DAB1: variants seen among roughly 807,000 people sequenced by gnomAD.
DAB1 encodes disabled homolog 1.
DAB1 carries 15 observed loss-of-function variants against 64.6 expected under a neutral mutation model. That is an observed-to-expected ratio of 0.23 (90% confidence interval 0.16 to 0.36). The LOEUF is 0.36. Ranked by LOEUF, DAB1 falls within the 10% of genes least tolerant of loss-of-function variation. The pLI is 1.00. For synonymous variants in DAB1, 235 were observed against 251.9 expected (o/e 0.93, Z 0.64); for missense variants, 596 against 706.7 (o/e 0.84, Z 1.78).
intron 6 of DAB1, among the ~76,000 whole-genome samples, chr1:57,711,160 T>C (rs776996917): frequency 3.3e-5 from 5 of 152,308 alleles, no homozygotes; most frequent in Non-Finnish European, 1.5e-5. Flanking sequence ...CTGATGCCCT[T>C]TCATTAGTTT....
chr1:58,544,624 C>T (rs1478717259), intron 1 of DAB1, among the ~76,000 whole-genome samples: 2 of 152,182 alleles, frequency 1.3e-5, no homozygotes, highest in Non-Finnish European at 2.9e-5. Context: ...CAGGGTCTCA[C>T]TTTGTCGTTG....
At chr1:58,216,644 C>A (rs541460732) in intron 4 of DAB1, among the ~76,000 whole-genome samples, 1 of 152,314 alleles carries the variant, frequency 6.6e-6, no homozygotes, top group Admixed American at 6.5e-5. Context: ...ACACTCCCAC[C>A]AACAGTGTAA....
chr1:57,299,833 T>A (rs757552118), intron 1 of DAB1, among the ~76,000 whole-genome samples: 46 of 152,220 alleles, frequency 3.0e-4, no homozygotes, highest in Non-Finnish European at 5.6e-4. Flanking sequence ...AGCTCTTTCA[T>A]CAGCCTTGGC....
At chr1:58,339,468 G>A (rs1663199969) in intron 4 of DAB1, among the ~76,000 whole-genome samples, 1 of 152,102 alleles carries the variant, frequency 6.6e-6, no homozygotes, top group African/African-American at 2.4e-5. Flanking sequence ...GGTGATAAGT[G>A]TTATGAAAAA....
chr1:57,055,819 C>T (rs1031571878), intron 9 of DAB1, among the ~76,000 whole-genome samples: 2 of 151,978 alleles, frequency 1.3e-5, no homozygotes, highest in East Asian at 3.9e-4. Context: ...CCATCAATAT[C>T]TCAAAGAGAC....
intron 1 of DAB1, among the ~76,000 whole-genome samples, chr1:57,325,781 C>T (rs2100779227): frequency 6.6e-6 from 1 of 152,260 alleles, no homozygotes; most frequent in South Asian, 2.1e-4. Context: ...TTTGGCTTCC[C>T]TCACCTTCCC....
intron 5 of DAB1, among the ~76,000 whole-genome samples, chr1:58,029,219 G>A (rs1557616679): frequency 6.6e-6 from 1 of 152,176 alleles, no homozygotes; most frequent in Non-Finnish European, 1.5e-5. Flanking sequence ...AGCAAGCAAC[G>A]ACAAGCTAGT....
intron 4 of DAB1, among the ~76,000 whole-genome samples, chr1:58,318,650 A>G (rs919534679): frequency 3.9e-5 from 6 of 152,232 alleles, no homozygotes; most frequent in African/African-American, 1.4e-4. Flanking sequence ...AGCTTGGTCT[A>G]GAGCCATGGT....
At chr1:58,025,651 G>GTGTGTATATATATATATA in intron 5 of DAB1, among the ~76,000 whole-genome samples, 1 of 75,292 alleles carries the variant, frequency 1.3e-5, no homozygotes, top group Non-Finnish European at 3.1e-5. Context: ...ATATATGTGT[G>GTGTGTATATATATATATA]TATATATATA....
At chr1:57,317,038 A>C (rs1675271441) in intron 1 of DAB1, among the ~76,000 whole-genome samples, 1 of 152,240 alleles carries the variant, frequency 6.6e-6, no homozygotes, top group Non-Finnish European at 1.5e-5. Flanking sequence ...CCCGACTTTC[A>C]TCTTGCTCTC....
rs78554798 is a variant in DAB1 at position 57,705,324 on chromosome 1, G to A, written n.552-55659C>T. 1.8e-3 allele frequency among the ~76,000 whole-genome samples: 272 copies of A among 152,108 alleles called. 4 individuals are homozygous for A. In the East Asian group the frequency reaches 0.025, roughly 14 times the overall value. ...ATCTTTCAGCATCCTCATAGTTTAG[G>A]TAAGTTCCTGTAAGTAGCATATATC... On this transcript the variant is annotated intron_variant and non_coding_transcript_variant, in intron 6 of 20. Coordinates refer to the DAB1 transcript ENST00000485760.
In DAB1 at chr1:57,543,382, A is replaced by T. The variant is rs1019975078; in HGVS notation, n.625+106210T>A. On this transcript the variant is annotated intron_variant and non_coding_transcript_variant, in intron 7 of 20. Coordinates refer to the DAB1 transcript ENST00000485760. ...AATTTTCCTGAGTGATATACCAGAG[A>T]TCAAGTTCTAAGCACAATCATGTCC... 1.3e-5 allele frequency among the ~76,000 whole-genome samples: 2 copies of T among 152,250 alleles called. 1 individual carries two copies. The highest frequency in any genetic ancestry group is 6.8e-3 in the Middle Eastern group (2 of 294).
intron 6 of DAB1, among the ~76,000 whole-genome samples, chr1:57,781,122 CTCTCTA>C (rs1177647658): frequency 1.6e-4 from 7 of 43,894 alleles, no homozygotes; most frequent in Admixed American, 2.9e-4. Context: ...CTCTCTCTCT[CTCTCTA>C]TATATATATA....
At chr1:57,961,256 G>A (rs1283098906) in intron 5 of DAB1, among the ~76,000 whole-genome samples, 2 of 152,100 alleles carry the variant, frequency 1.3e-5, no homozygotes, top group African/African-American at 4.8e-5. Flanking sequence ...TAGGTAATAT[G>A]TATGTGTCTA....
chr1:58,386,006 C>A (rs1175591181), intron 3 of DAB1, among the ~76,000 whole-genome samples: 1 of 152,128 alleles, frequency 6.6e-6, no homozygotes, highest in Non-Finnish European at 1.5e-5. Flanking sequence ...TCTTCACACC[C>A]AAAAAGCATG....
At chr1:58,057,858 T>C (rs1314050586) in intron 5 of DAB1, among the ~76,000 whole-genome samples, 1 of 152,086 alleles carries the variant, frequency 6.6e-6, no homozygotes, top group Non-Finnish European at 1.5e-5. Flanking sequence ...TTGCATAAGC[T>C]GCCTAGGAGC....
chr1:57,194,082 G>T (rs1381565661), intron 2 of DAB1, among the ~76,000 whole-genome samples: 3 of 152,210 alleles, frequency 2.0e-5, no homozygotes, highest in Non-Finnish European at 2.9e-5. Context: ...CAAGAGCAGG[G>T]CCCACAGGGA....
intron 2 of DAB1, among the ~76,000 whole-genome samples, chr1:57,282,596 GT>G (rs1672004739): frequency 6.6e-6 from 1 of 152,100 alleles, no homozygotes; most frequent in Non-Finnish European, 1.5e-5. Flanking sequence ...CGAGTGAAGT[GT>G]CCTGTAATAA....
At chr1:58,542,332 T>C (rs148354642) in intron 1 of DAB1, among the ~76,000 whole-genome samples, 1 of 152,336 alleles carries the variant, frequency 6.6e-6, no homozygotes, top group East Asian at 1.9e-4. Context: ...GAGTAGCTAG[T>C]AAGGTTTTCA....
Sources: allele counts gnomAD v4.1 joint callset (sites outside exome capture counted in the v4.1 genomes callset), GRCh38; gene constraint gnomAD v4.1.1; transcripts MANE v1.5; gene names NCBI Gene and HGNC (gene_info 2026-07-23, HGNC 2026-07-21).